The following FRMD3 variants were observed in gnomAD, a reference collection of about 807,000 sequenced individuals.
FRMD3 encodes the protein FERM domain containing 3.
Under a neutral mutation model 70.2 loss-of-function variants are expected in FRMD3, and 33 were observed. That is an observed-to-expected ratio of 0.47 (90% CI 0.36 to 0.63). The LOEUF (loss-of-function observed/expected upper bound fraction) is 0.63. FRMD3 is among the 20% of genes least tolerant of loss of function. The pLI, the probability that FRMD3 is intolerant of heterozygous loss-of-function variation, is 0.00. For synonymous variants in FRMD3, 279 were observed against 255.9 expected, an observed-to-expected ratio of 1.09 and a Z score of -0.86; for missense variants, 632 against 711.4, an observed-to-expected ratio of 0.89 and a Z score of 1.27.
At chr9:83,453,732 T>TG (rs1827734670) in intron 1 of FRMD3, among the ~76,000 whole-genome samples, 1 of 137,046 alleles carries the variant, frequency 7.3e-6, no homozygotes, top group East Asian at 2.0e-4. Flanking sequence ...TTTTTTTTTT[T>TG]TGAGATGGAG....
chr9:83,290,030 A>G (rs1834360169), intron 13 of FRMD3, among the ~76,000 whole-genome samples: 1 of 152,212 alleles, frequency 6.6e-6, no homozygotes, highest in African/African-American at 2.4e-5. Context: ...GACAATGTAA[A>G]TGAAGGATCA....
At chr9:83,523,205 CGGAT>C (rs1422720689) in intron 1 of FRMD3, among the ~76,000 whole-genome samples, 4,632 of 151,364 alleles carry the variant, frequency 0.031, 217 homozygotes, top group African/African-American at 0.1. Context: ...GACGGACGGA[CGGAT>C]GGATAGATTT....
At chr9:83,291,382 C>T (rs370445297) in intron 12 of FRMD3, among the ~76,000 whole-genome samples, 4 of 152,250 alleles carry the variant, frequency 2.6e-5, no homozygotes, top group East Asian at 1.9e-4. Context: ...CTGGGGAGCC[C>T]GCTTGCCCTA....
intron 1 of FRMD3, among the ~76,000 whole-genome samples, chr9:83,408,346 T>C (rs1049995325): frequency 6.6e-6 from 1 of 152,132 alleles, no homozygotes; most frequent in Non-Finnish European, 1.5e-5. Flanking sequence ...AAATATGGTC[T>C]ATCTAGGAAA....
chr9:83,396,576 G>C (rs1460414795), intron 1 of FRMD3, among the ~76,000 whole-genome samples: 1 of 152,140 alleles, frequency 6.6e-6, no homozygotes, highest in Non-Finnish European at 1.5e-5. Context: ...ACATGACCCA[G>C]CTTAGGCCAA....
chr9:83,544,636 T>C, the FRMD3 span, among the ~76,000 whole-genome samples: 3 of 152,202 alleles, frequency 2.0e-5, no homozygotes, highest in African/African-American at 7.2e-5. Flanking sequence ...GCTGACTCAG[T>C]GTACAGCACT....
At chr9:83,350,355 G>A (rs1277214308) in intron 3 of FRMD3, among the ~76,000 whole-genome samples, 1 of 152,014 alleles carries the variant, frequency 6.6e-6, no homozygotes, top group East Asian at 1.9e-4. Context: ...TGGTCGTGGT[G>A]TCTCACGCCT....
chr9:83,476,159 G>A (rs567328576), intron 1 of FRMD3, among the ~76,000 whole-genome samples: 2 of 152,110 alleles, frequency 1.3e-5, no homozygotes, highest in South Asian at 2.1e-4. Context: ...CAAGGCAGGC[G>A]GGTCACCTGA....
chr9:83,497,075 T>C (rs140945703), intron 1 of FRMD3, among the ~76,000 whole-genome samples: 2 of 151,976 alleles, frequency 1.3e-5, no homozygotes, highest in Non-Finnish European at 2.9e-5. Flanking sequence ...GATTGTACCA[T>C]TGCACTCCAG....
At position 83,335,212 on chromosome 9, in the gene FRMD3, A is replaced by C. The variant is rs76826032; in HGVS notation, c.596+304T>G. Among the ~76,000 whole-genome samples the C allele has an allele frequency of 1.2e-4, 18 of 152,350 alleles. No individual in the cohort carries two copies. In the East Asian group the frequency reaches 3.5e-3, roughly 29 times the overall value. On this transcript the variant is annotated intron_variant, in intron 6 of 13. Transcript: ENST00000304195. ...TCAAATCAGAAAGGTTTACTTATTT[A>C]CCTTAGATTCCACTTTCAGAAGCTC...
chr9:83,251,249 C>T (rs1382887316), intron 13 of FRMD3, among the ~76,000 whole-genome samples: 1 of 152,166 alleles, frequency 6.6e-6, no homozygotes, highest in Admixed American at 6.6e-5. Context: ...TGAAGCACAG[C>T]ACCAGCAAAC....
At chr9:83,296,129 C>T (rs1336520813) in intron 12 of FRMD3, among the ~76,000 whole-genome samples, 2 of 152,224 alleles carry the variant, frequency 1.3e-5, no homozygotes, top group African/African-American at 4.8e-5. Context: ...GAGCTTATTA[C>T]TACATTCTCA....
chr9:83,257,207 T>C (rs113114323), intron 13 of FRMD3, among the ~76,000 whole-genome samples: 15,952 of 152,208 alleles, frequency 0.1, 2,754 homozygotes, highest in African/African-American at 0.36. Context: ...AGGAACGAGA[T>C]CATGTCCTTT....
rs149724802 is a variant in FRMD3, at chr9:83,467,236, C to A, written c.147+70849G>T. Among the ~76,000 whole-genome samples, 95 of 152,214 alleles carry A rather than the reference C, an allele frequency of 6.2e-4. No homozygotes were observed. In the East Asian group the frequency reaches 0.016, roughly 26 times the overall value. On this transcript the variant is annotated intron_variant, in intron 1 of 13. Coordinates refer to ENST00000304195, the MANE Select transcript of FRMD3 (RefSeq NM_174938.6). ...ATCCAAACCAAAATACATTGTCTGG[C>A]CAATTTTAAATAATTACATCTTGAT...
At chr9:83,553,196 T>C in the FRMD3 span, among the ~76,000 whole-genome samples, 1 of 152,356 alleles carries the variant, frequency 6.6e-6, no homozygotes, top group East Asian at 1.9e-4. Flanking sequence ...AACATTTGCT[T>C]ATCTGAAACG....
chr9:83,427,683 A>G lies in FRMD3; in HGVS notation c.148-37975T>C, dbSNP rs540487458. On this transcript the variant is annotated intron_variant, in intron 1 of 13. Coordinates refer to ENST00000304195, the MANE Select transcript of FRMD3 (RefSeq NM_174938.6). ...TATTTATATATATATGAATATATGT[A>G]TATATCTAACTCAGTGTCTTTATAC... is the stretch of plus-strand genomic sequence containing the variant. 3.3e-5 allele frequency among the ~76,000 whole-genome samples: 5 copies of G among 152,110 alleles called. No homozygotes were observed. The East Asian group carries it at 5.8e-4, about 18-fold the overall frequency.
At chr9:83,405,958 C>T (rs1826089963) in intron 1 of FRMD3, among the ~76,000 whole-genome samples, 1 of 152,024 alleles carries the variant, frequency 6.6e-6, no homozygotes, top group African/African-American at 2.4e-5. Flanking sequence ...CAAACAGTAA[C>T]TTGTGTTTCA....
intron 1 of FRMD3, among the ~76,000 whole-genome samples, chr9:83,418,149 G>T (rs142563061): frequency 6.6e-6 from 1 of 151,474 alleles, no homozygotes; most frequent in African/African-American, 2.4e-5. Flanking sequence ...GAAAGAAGGG[G>T]ACATATTCAC....
intron 13 of FRMD3, among the ~76,000 whole-genome samples, chr9:83,271,559 A>T (rs901371275): frequency 6.6e-6 from 1 of 152,218 alleles, no homozygotes; most frequent in African/African-American, 2.4e-5. Flanking sequence ...GTATAACTTA[A>T]TTTCCTTGTT....
Sources: allele counts gnomAD v4.1 joint callset (sites outside exome capture counted in the v4.1 genomes callset), GRCh38; gene constraint gnomAD v4.1.1; transcripts MANE v1.5; gene names NCBI Gene and HGNC (gene_info 2026-07-23, HGNC 2026-07-21).